Variants in ATP6V0A4 observed in about 807,000 individuals in gnomAD.
ATP6V0A4 encodes V-type proton ATPase 116 kDa subunit a 4.
Under a neutral mutation model 107.3 loss-of-function variants are expected in ATP6V0A4, and 86 were observed. The observed-to-expected ratio is 0.80, with a 90% CI of 0.67 to 0.96. The LOEUF (loss-of-function observed/expected upper bound fraction) is 0.96, where lower values mean the gene tolerates loss of function less well. Ranked by LOEUF, ATP6V0A4 falls within the 40% of genes least tolerant of loss-of-function variation. ATP6V0A4 has a pLI of 0.00. For missense variants in ATP6V0A4, 908 were observed against 1,045.6 expected (o/e 0.87, Z 1.81); for synonymous variants, 353 against 381.4 (o/e 0.93, Z 0.87).
At position 138,742,464 on chromosome 7, in the gene ATP6V0A4, C is replaced by T. The variant is rs556933848; in HGVS notation, c.1478+2659G>A. On this transcript the variant is annotated intron_variant, in intron 14 of 21. Coordinates refer to ENST00000310018, the MANE Select transcript of ATP6V0A4 (RefSeq NM_020632.3). ...AAATAAATAAAAAAATAAAACTCATCTCTATACTTATGAGTTTAAATCTAA... is the reference window on the plus strand; with the variant it reads ...AAATAAATAAAAAAATAAAACTCATTTCTATACTTATGAGTTTAAATCTAA... 7.8e-4 allele frequency among the ~76,000 whole-genome samples: 119 copies of T among 152,258 alleles called. 3 individuals carry two copies. Among genetic ancestry groups the T allele is most frequent in the African/African-American group, 2.8e-3 (117 of 41,556 alleles).
intron 20 of ATP6V0A4, among the ~76,000 whole-genome samples, chr7:138,710,275 T>G (rs573673630): frequency 1.3e-5 from 2 of 149,812 alleles, no homozygotes; most frequent in South Asian, 2.1e-4. Flanking sequence ...CACTGCAACC[T>G]CTACCTCCCG....
intron 17 of ATP6V0A4, among the ~76,000 whole-genome samples, chr7:138,732,351 C>G (rs1436451784): frequency 6.6e-6 from 1 of 151,978 alleles, no homozygotes; most frequent in Admixed American, 6.6e-5. Context: ...CATGTATTAC[C>G]CCAACAAGAA....
Position 138,759,534 on chromosome 7 carries a change from G to A in ATP6V0A4, c.639+218C>T, listed in dbSNP as rs6467798. ...CTATGTCTCTGGGAAGAATAAACCA[G>A]TTATGAGGTGTTGACAAGAATCAGT... On this transcript the variant is annotated intron_variant, in intron 8 of 21. Coordinates refer to ENST00000310018, the MANE Select transcript of ATP6V0A4 (RefSeq NM_020632.3). 0.94 allele frequency among the ~76,000 whole-genome samples: 143,057 copies of A among 152,178 alleles called. 67,352 individuals carry two copies. Among genetic ancestry groups the A allele is most frequent in the East Asian group, 0.99 (5,126 of 5,178 alleles).
At chr7:138,718,640 G>A (rs1804260435) in intron 19 of ATP6V0A4, among the ~76,000 whole-genome samples, 1 of 100,420 alleles carries the variant, frequency 1.0e-5, no homozygotes. Flanking sequence ...CGCCACGGAT[G>A]TCTGCGGAGG....
At chr7:138,758,591 A>T (rs1342056454) in intron 8 of ATP6V0A4, among the ~76,000 whole-genome samples, 1 of 152,218 alleles carries the variant, frequency 6.6e-6, no homozygotes, top group Non-Finnish European at 1.5e-5. Context: ...CAGAATTCAC[A>T]GCAACAACTG....
intron 10 of ATP6V0A4, 81 bp downstream of exon 10, chr7:138,755,608 G>T: frequency 1.3e-6 from 2 of 1,581,926 alleles, no homozygotes; most frequent in Non-Finnish European, 8.6e-7. Context: ...AAGGGCCCTG[G>T]GGGGCAGGGC....
chr7:138,742,351 C>T (rs540143701), intron 14 of ATP6V0A4, among the ~76,000 whole-genome samples: 14 of 152,168 alleles, frequency 9.2e-5, no homozygotes, highest in Middle Eastern at 6.8e-3. Context: ...CGCTAGAACC[C>T]GGGAGGCAGA....
chr7:138,749,291 G>T lies in ATP6V0A4; in HGVS notation c.1056C>A (p.Pro352=), dbSNP rs1203699161. The T allele has an allele frequency of 1.4e-5, 23 of 1,613,050 alleles. No individual in the cohort carries two copies. In the East Asian group the frequency reaches 4.9e-4, roughly 34 times the overall value. Residue 352 remains proline (P), a synonymous_variant, in exon 12 of 22, where the codon CCC becomes CCA. Transcript: ENST00000310018. ...GMELSGSSMA[P]IMTTVQSKTA... ...TTTTAGATTGCACTGTGGTCATGAT[G>T]GGGGCCATGGAGGAGCCACTTAGTT... is the stretch of plus-strand genomic sequence containing the variant.
chr7:138,723,056 A>C (rs111398322), intron 18 of ATP6V0A4, among the ~76,000 whole-genome samples: 113 of 9,252 alleles, frequency 0.012, no homozygotes, highest in Middle Eastern at 0.042. Flanking sequence ...AGACTGTCTC[A>C]AAAAAAAAAA....
intron 8 of ATP6V0A4, among the ~76,000 whole-genome samples, chr7:138,758,957 G>T (rs1394172768): frequency 2.7e-5 from 4 of 150,846 alleles, no homozygotes; most frequent in Admixed American, 1.3e-4. Flanking sequence ...CACCATGTTG[G>T]CCAGGATGGT....
rs139073995 is a variant in ATP6V0A4 at position 138,728,552 on chromosome 7, C to T, written c.2010+209G>A. Among the ~76,000 whole-genome samples the T allele has an allele frequency of 1.6e-3, 251 of 152,154 alleles. 1 individual carries two copies. The highest frequency in any genetic ancestry group is 2.9e-3 in the Non-Finnish European group (197 of 68,020). On this transcript the variant is annotated intron_variant, in intron 18 of 21. Coordinates refer to ENST00000310018, the MANE Select transcript of ATP6V0A4 (RefSeq NM_020632.3). Reference sequence around the variant, plus strand: ...GAGACATAAGGCTTAAACGTGTTTGCCCTTAATAGAGCATCTCGTTGGAAA... The same window carrying T: ...GAGACATAAGGCTTAAACGTGTTTGTCCTTAATAGAGCATCTCGTTGGAAA...
At chr7:138,707,646 C>A (rs1456877556) in intron 21 of ATP6V0A4, among the ~76,000 whole-genome samples, 7 of 151,376 alleles carry the variant, frequency 4.6e-5, no homozygotes. Context: ...AGGTGATCCA[C>A]ACACCTCAGC....
intron 14 of ATP6V0A4, 157 bp from the exon 15 acceptor site, chr7:138,739,790 C>T: frequency 1.3e-6 from 1 of 778,412 alleles, no homozygotes; most frequent in Non-Finnish European, 1.6e-6. Context: ...AAGTATTGTC[C>T]TAAACACTGA....
At chr7:138,778,292 C>CTTGA (rs59305202) in intron 2 of ATP6V0A4, among the ~76,000 whole-genome samples, 2 of 151,296 alleles carry the variant, frequency 1.3e-5, no homozygotes, top group African/African-American at 4.9e-5. Flanking sequence ...AGGAGAATCG[C>CTTGA]AAAGGTTGCA....
At chr7:138,762,527 GC>G in intron 6 of ATP6V0A4, 93 bp from the exon 7 acceptor site, 3 of 1,561,702 alleles carry the variant, frequency 1.9e-6, no homozygotes, top group Non-Finnish European at 2.6e-6. Context: ...TTTTAGTGAA[GC>G]TTTAATTTTC....
At chr7:138,792,639 C>T (rs933315990) in intron 1 of ATP6V0A4, among the ~76,000 whole-genome samples, 1 of 151,998 alleles carries the variant, frequency 6.6e-6, no homozygotes, top group Admixed American at 6.6e-5. Context: ...ACTCTGTCAC[C>T]CAGTCTGGAG....
intron 2 of ATP6V0A4, among the ~76,000 whole-genome samples, chr7:138,776,396 G>A (rs1464245568): frequency 2.0e-5 from 3 of 152,188 alleles, no homozygotes; most frequent in Non-Finnish European, 4.4e-5. Flanking sequence ...ATCCTGCCAG[G>A]GCAGATCTGT....
intron 20 of ATP6V0A4, among the ~76,000 whole-genome samples, chr7:138,715,248 G>A (rs1803977549): frequency 6.6e-6 from 1 of 152,134 alleles, no homozygotes; most frequent in Non-Finnish European, 1.5e-5. Context: ...GTAGCCCAGG[G>A]TGGAGTGCAG....
chr7:138,761,971 C>T (rs541866528), intron 7 of ATP6V0A4, among the ~76,000 whole-genome samples: 16 of 152,282 alleles, frequency 1.1e-4, no homozygotes, highest in South Asian at 2.1e-4. Context: ...TGAGCCACCA[C>T]GCCCGGCTCC....
Sources: gnomAD v4.1 joint callset for allele counts (sites outside exome capture counted in the v4.1 genomes callset) on GRCh38, gnomAD v4.1.1 for gene constraint, MANE v1.5 for transcripts, NCBI Gene and HGNC (gene_info 2026-07-23, HGNC 2026-07-21) for gene names.